The following OSBPL10 variants were observed in gnomAD, a reference collection of about 807,000 sequenced individuals.
The protein encoded by OSBPL10 is oxysterol binding protein like 10.
Under a neutral mutation model 81.7 loss-of-function variants are expected in OSBPL10, and 49 were observed. That is an observed-to-expected ratio of 0.60 (90% confidence interval 0.48 to 0.76). The LOEUF (loss-of-function observed/expected upper bound fraction) is 0.76. Among genes scored for constraint, OSBPL10 ranks in the 30% least tolerant of loss-of-function variants. The probability of loss-of-function intolerance (pLI) is 0.00; values close to 1 mark genes in which losing one functional copy is unlikely to be tolerated. For synonymous variants in OSBPL10, 419 were observed against 383.6 expected (o/e 1.09, Z -1.08); for missense variants, 923 against 987.8 (o/e 0.93, Z 0.88).
intron 3 of OSBPL10, among the ~76,000 whole-genome samples, chr3:31,849,473 C>T (rs1028314628): frequency 6.6e-6 from 1 of 152,064 alleles, no homozygotes; most frequent in African/African-American, 2.4e-5. Context: ...CTAGAAGATT[C>T]CTCCTGGTCC....
chr3:31,818,258 CAA>C (rs1199005600), intron 4 of OSBPL10, among the ~76,000 whole-genome samples: 1 of 152,102 alleles, frequency 6.6e-6, no homozygotes, highest in Non-Finnish European at 1.5e-5. Context: ...CTCAATGGAA[CAA>C]AAGACTGACC....
chr3:31,686,631 C>T (rs1477066035), intron 7 of OSBPL10, among the ~76,000 whole-genome samples: 4 of 152,068 alleles, frequency 2.6e-5, no homozygotes, highest in Non-Finnish European at 5.9e-5. Context: ...TATTTAAAAA[C>T]ACAACTATGC....
rs1559414366 is a variant in OSBPL10 at position 31,683,954 on chromosome 3, C to G, written c.1406G>C (p.Gly469Ala). The G allele has an allele frequency of 6.2e-7, 1 of 1,614,118 alleles. No homozygotes were observed. Among genetic ancestry groups the G allele is most frequent in the Non-Finnish European group, 8.5e-7 (1 of 1,180,062 alleles). ...VEYYLTAFHE[G>A]RKGALAKKPY... is the part of the protein sequence containing the mutation. ...CTTCTTGGCTAAAGCGCCCTTGCGG[C>G]CCTCGTGAAAGGCTGTGAGATAATA... The change falls in exon 8 of 12, where the codon GGC becomes GCC. Residue 469 changes from glycine (G) to alanine (A), a missense_variant. By Grantham distance (60) the Gly-to-Ala change is moderately conservative. Transcript: ENST00000396556.
chr3:32,018,901 A>G (rs1393065695), intron 2 of OSBPL10, among the ~76,000 whole-genome samples: 1 of 152,202 alleles, frequency 6.6e-6, no homozygotes, highest in Non-Finnish European at 1.5e-5. Context: ...GATAAGAACA[A>G]GAAGTGAAAG....
intron 3 of OSBPL10, among the ~76,000 whole-genome samples, chr3:31,835,741 T>G (rs1700348045): frequency 6.6e-6 from 1 of 152,200 alleles, no homozygotes; most frequent in Admixed American, 6.5e-5. Context: ...TTGATTATAT[T>G]TCTTCTCTTC....
chr3:31,797,906 C>T (rs1472562797), intron 4 of OSBPL10: 1 of 411,868 alleles, frequency 2.4e-6, no homozygotes, highest in East Asian at 7.5e-5. Flanking sequence ...CTAGCACTCT[C>T]AACCTGGAAC....
chr3:31,870,591 G>T (rs1701296061), intron 3 of OSBPL10, among the ~76,000 whole-genome samples: 1 of 152,256 alleles, frequency 6.6e-6, no homozygotes, highest in African/African-American at 2.4e-5. Flanking sequence ...AGTCTGGTGG[G>T]GCCTTGGAGA....
chr3:31,774,070 G>A (rs1180933730), intron 4 of OSBPL10, among the ~76,000 whole-genome samples: 1 of 151,500 alleles, frequency 6.6e-6, no homozygotes, highest in African/African-American at 2.4e-5. Context: ...GTTGAGGCAG[G>A]AGAATCGCTT....
In OSBPL10 at chr3:31,947,795, C is replaced by T. The variant is rs556422290; in HGVS notation, c.281+33104G>A. Among the ~76,000 whole-genome samples, 22 of 152,280 alleles carry T rather than the reference C, an allele frequency of 1.4e-4. No homozygotes were observed. In the Middle Eastern group the frequency reaches 0.01, roughly 71 times the overall value. Reference sequence around the variant, plus strand: ...TCCCTGGAGGCAGAGCCTGATGTGGCGACTCCTATGCAAATGAGTGCTTGA... The same window carrying T: ...TCCCTGGAGGCAGAGCCTGATGTGGTGACTCCTATGCAAATGAGTGCTTGA... On this transcript the variant is annotated intron_variant, in intron 1 of 11. Transcript: ENST00000396556.
chr3:31,880,620 C>A (rs9829576), intron 1 of OSBPL10, among the ~76,000 whole-genome samples: 2 of 152,144 alleles, frequency 1.3e-5, no homozygotes, highest in African/African-American at 4.8e-5. Context: ...CCTTGAGGCC[C>A]GCCCCTGCTG....
chr3:31,729,161 A>C (rs76626956), intron 6 of OSBPL10, among the ~76,000 whole-genome samples: 7,343 of 152,228 alleles, frequency 0.048, 575 homozygotes, highest in African/African-American at 0.17. Context: ...CTTTTAAAAA[A>C]CAGTTAAGGT....
intron 8 of OSBPL10, among the ~76,000 whole-genome samples, chr3:31,679,409 C>T (rs1391207239): frequency 6.6e-6 from 1 of 152,188 alleles, no homozygotes; most frequent in African/African-American, 2.4e-5. Flanking sequence ...GTGCTGTGGC[C>T]TCTGCTGCAT....
intron 1 of OSBPL10, among the ~76,000 whole-genome samples, chr3:32,066,111 C>A (rs1253646493): frequency 1.2e-5 from 1 of 82,834 alleles, no homozygotes; most frequent in African/African-American, 3.1e-5. Flanking sequence ...GGCGACAGAG[C>A]AAGACCCTGA....
At chr3:31,784,235 G>A (rs750384714) in intron 4 of OSBPL10, among the ~76,000 whole-genome samples, 1 of 151,628 alleles carries the variant, frequency 6.6e-6, no homozygotes, top group Non-Finnish European at 1.5e-5. Context: ...GGTGGTATGC[G>A]CCTTTAGTCC....
chr3:31,838,508 C>CAAAA (rs60893746), intron 3 of OSBPL10, among the ~76,000 whole-genome samples: 2 of 95,698 alleles, frequency 2.1e-5, no homozygotes, highest in African/African-American at 4.5e-5. Context: ...AAGACTCTGT[C>CAAAA]AAAAAAAAAA....
At chr3:31,749,143 C>T (rs1575519650) in intron 4 of OSBPL10, among the ~76,000 whole-genome samples, 1 of 152,194 alleles carries the variant, frequency 6.6e-6, no homozygotes, top group Non-Finnish European at 1.5e-5. Flanking sequence ...ACATCTCCTA[C>T]TTTGTCACTG....
chr3:31,948,557 C>T (rs976570580), intron 1 of OSBPL10, among the ~76,000 whole-genome samples: 5 of 152,136 alleles, frequency 3.3e-5, no homozygotes, highest in Non-Finnish European at 7.4e-5. Flanking sequence ...AGTCATCCTC[C>T]GTCATATAAC....
chr3:31,876,594 G>GT, intron 2 of OSBPL10, 82 bp from the exon 3 acceptor site: 2 of 1,175,454 alleles, frequency 1.7e-6, no homozygotes, highest in Non-Finnish European at 2.5e-6. Flanking sequence ...CCCACCTAAG[G>GT]GGGTGGGGAG....
At chr3:31,866,720 G>A (rs1357047525) in intron 3 of OSBPL10, among the ~76,000 whole-genome samples, 1 of 152,160 alleles carries the variant, frequency 6.6e-6, no homozygotes, top group Non-Finnish European at 1.5e-5. Flanking sequence ...AGGAAGAGCT[G>A]CCTCACCTAC....
Sources: allele counts gnomAD v4.1 joint callset (sites outside exome capture counted in the v4.1 genomes callset), GRCh38; gene constraint gnomAD v4.1.1; transcripts MANE v1.5; gene names NCBI Gene and HGNC (gene_info 2026-07-23, HGNC 2026-07-21).